Variants in LYRM4 observed in about 807,000 individuals in gnomAD.
LYRM4 encodes LYR motif containing 4, also known as LYR motif-containing protein 4.
Under a neutral mutation model 11.7 loss-of-function variants are expected in LYRM4, and 9 were observed. The ratio of observed to expected loss-of-function variants is 0.77; its 90% CI spans 0.46 to 1.34. The LOEUF is 1.34. Among genes scored for constraint, LYRM4 ranks in the 40% most tolerant of loss-of-function variants. The pLI is 0.00. For synonymous variants in LYRM4, 42 were observed against 40.4 expected (o/e 1.04, Z -0.15); for missense variants, 133 against 112.5 (o/e 1.18, Z -0.82).
chr6:5,155,743 T>C (rs1758374551), intron 2 of LYRM4, among the ~76,000 whole-genome samples: 2 of 152,226 alleles, frequency 1.3e-5, no homozygotes, highest in African/African-American at 2.4e-5. Flanking sequence ...CCCAGCTACT[T>C]TGAAGGCTCA....
the LYRM4 span, among the ~76,000 whole-genome samples, chr6:5,049,611 T>A: frequency 6.6e-6 from 1 of 152,138 alleles, no homozygotes; most frequent in Admixed American, 6.5e-5. Context: ...TAACAGTACA[T>A]AGCCTCCTTG....
the LYRM4 span, among the ~76,000 whole-genome samples, chr6:5,095,840 C>A: frequency 6.6e-6 from 1 of 152,004 alleles, no homozygotes; most frequent in Non-Finnish European, 1.5e-5. Flanking sequence ...ATTAGCCAGG[C>A]GTGGTGGCTC....
In LYRM4 at chr6:5,260,660, G is replaced by A. The variant is rs2127791739; in HGVS notation, c.74C>T (p.Ala25Val). The A allele has an allele frequency of 1.9e-6, 3 of 1,543,838 alleles. No homozygotes were observed. The highest frequency in any genetic ancestry group is 1.2e-5 in the South Asian group (1 of 84,146). ...CCCGCTGGGTCACCTGTAATTGTAGGCGCTGAAACGCTTGCTCTCTCTCAG... is the reference window on the plus strand; with the variant it reads ...CCCGCTGGGTCACCTGTAATTGTAGACGCTGAAACGCTTGCTCTCTCTCAG... ...AMLRESKRFS[A>V]YNYRTYAVRR... The change falls in exon 1 of 3, where the codon GCC becomes GTC. Residue 25 changes from alanine to valine, a missense_variant. Transcript: ENST00000330636.
At chr6:5,121,323 G>A (rs1763446119) in intron 2 of LYRM4, among the ~76,000 whole-genome samples, 2 of 152,110 alleles carry the variant, frequency 1.3e-5, no homozygotes, top group South Asian at 4.2e-4. Context: ...TCTTCTATAT[G>A]TACACCTGTA....
chr6:5,052,397 A>G, the LYRM4 span, among the ~76,000 whole-genome samples: 2 of 152,242 alleles, frequency 1.3e-5, no homozygotes, highest in African/African-American at 2.4e-5. Flanking sequence ...GCATAGAAGC[A>G]GAATATTTGT....
At chr6:5,124,168 G>C (rs982151644) in intron 2 of LYRM4, among the ~76,000 whole-genome samples, 3 of 152,170 alleles carry the variant, frequency 2.0e-5, no homozygotes, top group Admixed American at 1.3e-4. Flanking sequence ...TGGTCCCTGA[G>C]GCCCAGTTTA....
chr6:5,073,506 A>C, the LYRM4 span, among the ~76,000 whole-genome samples: 22 of 148,152 alleles, frequency 1.5e-4, no homozygotes, highest in Non-Finnish European at 2.7e-4. Context: ...CTCTATATAT[A>C]TCTCTCTATA....
chr6:5,153,974 T>C (rs1231538713), intron 2 of LYRM4, among the ~76,000 whole-genome samples: 1 of 152,130 alleles, frequency 6.6e-6, no homozygotes, highest in Non-Finnish European at 1.5e-5. Flanking sequence ...GATTGTAAAT[T>C]GCTGGCTCTT....
intron 1 of LYRM4, among the ~76,000 whole-genome samples, chr6:5,246,287 C>T (rs1171098494): frequency 1.3e-5 from 2 of 152,166 alleles, no homozygotes; most frequent in African/African-American, 4.8e-5. Flanking sequence ...AACAAGAGTG[C>T]CATGTGAAGC....
At chr6:5,130,291 C>T (rs975213662) in intron 2 of LYRM4, among the ~76,000 whole-genome samples, 3 of 150,984 alleles carry the variant, frequency 2.0e-5, no homozygotes, top group South Asian at 2.1e-4. Context: ...CTGGAGGAGA[C>T]GTGTGAGCCC....
At chr6:5,202,762 A>G (rs1761462879) in intron 2 of LYRM4, among the ~76,000 whole-genome samples, 1 of 152,246 alleles carries the variant, frequency 6.6e-6, no homozygotes, top group South Asian at 2.1e-4. Flanking sequence ...GTTCCAGGAT[A>G]TGGCTAAAAT....
At chr6:5,180,361 A>G (rs1759998280) in intron 2 of LYRM4, among the ~76,000 whole-genome samples, 1 of 152,150 alleles carries the variant, frequency 6.6e-6, no homozygotes, top group Non-Finnish European at 1.5e-5. Flanking sequence ...TACCGAGCTC[A>G]GTTTTCCTGT....
chr6:5,095,513 G>T, the LYRM4 span, among the ~76,000 whole-genome samples: 1 of 152,192 alleles, frequency 6.6e-6, no homozygotes, highest in East Asian at 1.9e-4. Context: ...ACAGTTGGCT[G>T]CCTGTGATTG....
chr6:5,101,873 T>G (rs1047848030), downstream of LYRM4, among the ~76,000 whole-genome samples: 3 of 151,814 alleles, frequency 2.0e-5, no homozygotes, highest in Non-Finnish European at 1.5e-5. Context: ...ATGGCTCACT[T>G]GACCTCCTGG....
Position 5,260,756 on chromosome 6 carries a change from C to T in LYRM4, c.-23G>A, listed in dbSNP as rs1427835336. On this transcript the variant is annotated 5_prime_UTR_variant, in exon 1 of 3. Coordinates refer to ENST00000330636, the MANE Select transcript of LYRM4 (RefSeq NM_020408.6). ...CATTTTGGAAAGAAAAAAAAATAAA[C>T]GGGTCCTCTTCGCCGAGGTCCCAAG... 5.2e-6 allele frequency: 8 copies of T among 1,540,884 alleles called. No homozygotes were observed. The highest frequency in any genetic ancestry group is 3.9e-5 in the Admixed American group (2 of 50,974).
At chr6:5,072,600 CAG>C in the LYRM4 span, among the ~76,000 whole-genome samples, 89 of 140,582 alleles carry the variant, frequency 6.3e-4, no homozygotes, top group Middle Eastern at 3.7e-3. Flanking sequence ...TTTTTTAAGA[CAG>C]AGTTTCACTC....
chr6:5,136,733 G>A, intron 2 of LYRM4: 1 of 985,404 alleles, frequency 1.0e-6, no homozygotes, highest in African/African-American at 1.7e-5. Context: ...CCGCCCCAAG[G>A]AGCAGCGCCT....
At chr6:5,156,025 T>C (rs945735250) in intron 2 of LYRM4, among the ~76,000 whole-genome samples, 1 of 152,226 alleles carries the variant, frequency 6.6e-6, no homozygotes, top group Non-Finnish European at 1.5e-5. Flanking sequence ...AGATTTATAA[T>C]CTGTTATTCA....
the LYRM4 span, among the ~76,000 whole-genome samples, chr6:5,064,600 C>T: frequency 1.8e-4 from 27 of 152,226 alleles, no homozygotes; most frequent in Non-Finnish European, 8.8e-5. Flanking sequence ...ACGAGGGTCT[C>T]ACTATATTGG....
Sources: gnomAD v4.1 joint callset for allele counts (sites outside exome capture counted in the v4.1 genomes callset) on GRCh38, gnomAD v4.1.1 for gene constraint, MANE v1.5 for transcripts, NCBI Gene and HGNC (gene_info 2026-07-23, HGNC 2026-07-21) for gene names.